Variants in LHPP observed in about 807,000 individuals in gnomAD.
The protein encoded by LHPP is phospholysine phosphohistidine inorganic pyrophosphate phosphatase.
LHPP carries 24 observed loss-of-function variants against 30.3 expected under a neutral mutation model. The ratio of observed to expected loss-of-function variants is 0.79; its 90% CI spans 0.57 to 1.11. The LOEUF is 1.11. Among genes scored for constraint, LHPP ranks in the 50% most tolerant of loss-of-function variants. The probability of loss-of-function intolerance (pLI) is 0.00; values close to 1 mark genes in which losing one functional copy is unlikely to be tolerated. For missense variants in LHPP, 356 were observed against 367.2 expected (o/e 0.97, Z 0.25); for synonymous variants, 150 against 157.1 (o/e 0.95, Z 0.34).
intron 6 of LHPP, among the ~76,000 whole-genome samples, chr10:124,612,194 A>G (rs1353143463): frequency 6.6e-6 from 1 of 152,206 alleles, no homozygotes; most frequent in Non-Finnish European, 1.5e-5. Context: ...ACTTGAGGTC[A>G]GGAGTCGGAG....
intron 5 of LHPP, among the ~76,000 whole-genome samples, chr10:124,499,424 A>G (rs977756159): frequency 6.6e-6 from 1 of 151,558 alleles, no homozygotes; most frequent in Non-Finnish European, 1.5e-5. Flanking sequence ...CAGGTGGATC[A>G]CTTGAGGTCA....
Position 124,517,458 on chromosome 10 carries a change from A to C in LHPP, c.716+187A>C. 2.5e-6 allele frequency: 1 copy of C among 405,134 alleles called. No individual in the cohort carries two copies. Among genetic ancestry groups the C allele is most frequent in the South Asian group, 4.7e-5 (1 of 21,234 alleles). 25.1% of individuals were successfully genotyped at this position (405,134 alleles called of 1,614,324 possible). A position where few individuals can be genotyped will look rare whatever the true frequency, so the allele number is the denominator to read the frequency against. On this transcript the variant is annotated intron_variant, in intron 6 of 6. Coordinates refer to ENST00000368842, the MANE Select transcript of LHPP (RefSeq NM_022126.4). The surrounding 1 kb of genome is among the most constrained non-coding windows in gnomAD (Gnocchi z 4.1). ...GAGTGGTCTTTTATAGCAGACAGTGATAAAGTAGAGTGGCTTTTGATACAG... is the reference window on the plus strand; with the variant it reads ...GAGTGGTCTTTTATAGCAGACAGTGCTAAAGTAGAGTGGCTTTTGATACAG...
At chr10:124,525,734 G>C (rs569741491) in intron 6 of LHPP, among the ~76,000 whole-genome samples, 1 of 152,330 alleles carries the variant, frequency 6.6e-6, no homozygotes, top group African/African-American at 2.4e-5. Flanking sequence ...CCTGCCTTCT[G>C]TTGGCTGCTG....
rs764286664 is a variant in LHPP at position 124,517,353 on chromosome 10, A to G, written c.716+82A>G. ...CATTCTGTTTTGTTCTTCAAAATAA[A>G]GGGGATATTCTTTCCAAATCAAAGA... On this transcript the variant is annotated intron_variant, in intron 6 of 6. Transcript: ENST00000368842. This position sits in a 1 kb window ranked among gnomAD's most constrained non-coding sequence, Gnocchi z 4.1. 67 of 906,980 alleles carry G rather than the reference A, an allele frequency of 7.4e-5. No homozygotes were observed. Among genetic ancestry groups the G allele is most frequent in the Non-Finnish European group, 9.7e-5 (60 of 615,998 alleles). The allele number at this position is 906,980 out of a possible 1,614,324, so 56.2% of individuals were successfully genotyped here. A position where few individuals can be genotyped will look rare whatever the true frequency, so the allele number is the denominator to read the frequency against.
intron 6 of LHPP, among the ~76,000 whole-genome samples, chr10:124,563,881 C>T (rs2133973322): frequency 6.6e-6 from 1 of 152,142 alleles, no homozygotes; most frequent in East Asian, 1.9e-4. Flanking sequence ...AGCTGCACAG[C>T]CAGACAGATG....
chr10:124,610,791 AGGGTGCGGGTGAGGGTGCTGATGGAGC>A (rs1589720259), intron 6 of LHPP, among the ~76,000 whole-genome samples: 16 of 77,106 alleles, frequency 2.1e-4, no homozygotes, highest in Non-Finnish European at 4.1e-4. Context: ...GGAGCGGGTG[AGGGTGCGGGTGAGGGTGCTGATGGAGC>A]GGGTGAGGGT....
intron 6 of LHPP, among the ~76,000 whole-genome samples, chr10:124,564,743 G>C (rs780537742): frequency 1.3e-5 from 2 of 152,210 alleles, no homozygotes; most frequent in African/African-American, 4.8e-5. Context: ...GCACTGTGCC[G>C]TGGAATTATG....
intron 1 of LHPP, among the ~76,000 whole-genome samples, chr10:124,470,303 G>T (rs759254252): frequency 6.6e-6 from 1 of 152,132 alleles, no homozygotes; most frequent in South Asian, 2.1e-4. Context: ...GCCCAGGCCC[G>T]GCTCGGCGTT....
intron 1 of LHPP, among the ~76,000 whole-genome samples, chr10:124,469,806 A>G (rs1193448394): frequency 2.0e-5 from 3 of 152,062 alleles, no homozygotes; most frequent in Admixed American, 2.0e-4. Flanking sequence ...GACAGCGTGC[A>G]CTCGGGAAGG....
At chr10:124,469,836 C>T (rs1055551441) in intron 1 of LHPP, among the ~76,000 whole-genome samples, 3 of 152,108 alleles carry the variant, frequency 2.0e-5, no homozygotes, top group African/African-American at 7.2e-5. Context: ...CTGAGACACG[C>T]AGTGAGGTGG....
In LHPP at chr10:124,496,623, CTG is replaced by C. The variant is rs1238914490; in HGVS notation, c.468-334_468-333del. On this transcript the variant is annotated intron_variant, in intron 3 of 6. Coordinates refer to ENST00000368842, the MANE Select transcript of LHPP (RefSeq NM_022126.4). This position sits in a 1 kb window ranked among gnomAD's most constrained non-coding sequence, Gnocchi z 4.3. ...CAGGACACAGGTCACTTGTCATTCT[CTG>C]TGTTAGCAACTGAAACCGTCTGCCT... Among the ~76,000 whole-genome samples the C allele has an allele frequency of 1.3e-5, 2 of 152,226 alleles. No individual in the cohort carries two copies. Among genetic ancestry groups the C allele is most frequent in the East Asian group, 1.9e-4 (1 of 5,194 alleles).
chr10:124,514,476 G>A (rs1366695400), intron 5 of LHPP, among the ~76,000 whole-genome samples: 1 of 152,034 alleles, frequency 6.6e-6, no homozygotes, highest in African/African-American at 2.4e-5. Context: ...ATTCTAGATG[G>A]GCAGTTTTTT....
chr10:124,536,258 T>C (rs1380614974), intron 6 of LHPP, among the ~76,000 whole-genome samples: 2 of 152,368 alleles, frequency 1.3e-5, no homozygotes, highest in East Asian at 3.9e-4. Flanking sequence ...AGGGATGCTG[T>C]CTGGGGCTGG....
rs1221402124 is a variant in LHPP at position 124,592,677 on chromosome 10, G to C, written c.717-20587G>C. The stretch of plus-strand genomic sequence containing the variant: ...TCCAGGCCTTCCCGGAGGCCCCATG[G>C]CTGTCTTACTTGGTTTGTGGCTTCC... On this transcript the variant is annotated intron_variant, in intron 6 of 6. Coordinates refer to ENST00000368842, the MANE Select transcript of LHPP (RefSeq NM_022126.4). This position sits in a 1 kb window ranked among gnomAD's most constrained non-coding sequence, Gnocchi z 6.2. 2.6e-5 allele frequency among the ~76,000 whole-genome samples: 4 copies of C among 152,210 alleles called. No individual in the cohort carries two copies. The highest frequency in any genetic ancestry group is 1.3e-4 in the Admixed American group (2 of 15,286).
intron 1 of LHPP, among the ~76,000 whole-genome samples, chr10:124,472,892 A>G (rs1424700773): frequency 3.3e-5 from 5 of 152,188 alleles, no homozygotes; most frequent in Admixed American, 6.5e-5. Flanking sequence ...AAACAAAGGA[A>G]ACACAACCAC....
rs182893728 is a variant in LHPP at position 124,491,822 on chromosome 10, G to C, written c.467+3247G>C. On this transcript the variant is annotated intron_variant, in intron 3 of 6. Coordinates refer to ENST00000368842, the MANE Select transcript of LHPP (RefSeq NM_022126.4). ...TGCCTATAGTCCCAGCTACTCGGGA[G>C]GCTGACGCATGAGAATTGCTTGAAC... Among the ~76,000 whole-genome samples, 99 of 152,342 alleles carry C rather than the reference G, an allele frequency of 6.5e-4. 1 individual carries two copies. Among genetic ancestry groups the C allele is most frequent in the Non-Finnish European group, 1.2e-3 (81 of 68,034 alleles).
Position 124,602,228 on chromosome 10 carries a change from T to C in LHPP, c.717-11036T>C, listed in dbSNP as rs138123853. On this transcript the variant is annotated intron_variant, in intron 6 of 6. Coordinates refer to ENST00000368842, the MANE Select transcript of LHPP (RefSeq NM_022126.4). ...AAACCCCAGCTCTGCCACTTCTGGC[T>C]GTGACTTTGAGCATGGCTGTTCATC... Among the ~76,000 whole-genome samples, 943 of 152,322 alleles carry C rather than the reference T, an allele frequency of 6.2e-3. 52 individuals carry two copies. In the South Asian group the frequency reaches 0.1, roughly 17 times the overall value.
chr10:124,582,842 T>TAA (rs374763515), intron 6 of LHPP, among the ~76,000 whole-genome samples: 1 of 146,400 alleles, frequency 6.8e-6, no homozygotes, highest in Non-Finnish European at 1.5e-5. Flanking sequence ...TTGTCTCTAT[T>TAA]CAAAAAAAAA....
chr10:124,543,416 G>C (rs1472227969), intron 6 of LHPP, among the ~76,000 whole-genome samples: 7 of 152,278 alleles, frequency 4.6e-5, no homozygotes, highest in Admixed American at 4.6e-4. Context: ...CTGTACCGTG[G>C]CTGCGGTGAT....
Sources: allele counts gnomAD v4.1 joint callset (sites outside exome capture counted in the v4.1 genomes callset), GRCh38; gene constraint gnomAD v4.1.1; non-coding constraint Gnocchi (gnomAD v3.1); transcripts MANE v1.5; gene names NCBI Gene and HGNC (gene_info 2026-07-23, HGNC 2026-07-21).